CDH11: variants seen among roughly 807,000 people sequenced by gnomAD.
CDH11 encodes cadherin 11.
A neutral mutation model predicts 67.8 loss-of-function variants in CDH11; 11 were observed. The observed-to-expected ratio is 0.16, with a 90% CI of 0.10 to 0.27. The LOEUF is 0.27. CDH11 is among the 10% of genes least tolerant of loss of function. The pLI, the probability that CDH11 is intolerant of heterozygous loss-of-function variation, is 1.00. For synonymous variants in CDH11, 419 were observed against 400.0 expected, an observed-to-expected ratio of 1.05 and a Z score of -0.57; for missense variants, 847 against 1,031.2, an observed-to-expected ratio of 0.82 and a Z score of 2.45.
At chr16:64,993,792 C>G (rs962462918) in intron 4 of CDH11, among the ~76,000 whole-genome samples, 3 of 152,074 alleles carry the variant, frequency 2.0e-5, no homozygotes, top group Admixed American at 2.0e-4. Context: ...TGGGGCATGG[C>G]ATGTTGGGCT....
rs190522611 is a variant in CDH11, at chr16:65,113,542, G to C, written c.-298+8338C>G. ...AATGGAGTCCTCAGCCCTCCTTAGA[G>C]AAAGTAGTGGTTCGAAGTGGTTAGA... On this transcript the variant is annotated intron_variant, in intron 1 of 12. Coordinates refer to ENST00000268603, the MANE Select transcript of CDH11 (RefSeq NM_001797.4). 6.6e-5 allele frequency among the ~76,000 whole-genome samples: 10 copies of C among 152,298 alleles called. No homozygotes were observed. In the East Asian group the frequency reaches 1.9e-3, roughly 29 times the overall value.
At chr16:65,045,362 T>A (rs892193014) in intron 2 of CDH11, among the ~76,000 whole-genome samples, 1 of 113,036 alleles carries the variant, frequency 8.8e-6, no homozygotes, top group African/African-American at 3.3e-5. Flanking sequence ...TATATATATA[T>A]ATATATATAT....
chr16:65,021,569 C>CACACACATATAT (rs4048808), intron 2 of CDH11, among the ~76,000 whole-genome samples: 4 of 139,002 alleles, frequency 2.9e-5, no homozygotes, highest in South Asian at 2.3e-4. Flanking sequence ...CACACACACA[C>CACACACATATAT]ATATATATAT....
chr16:65,101,505 A>G (rs1303643053), intron 1 of CDH11, among the ~76,000 whole-genome samples: 1 of 151,982 alleles, frequency 6.6e-6, no homozygotes, highest in African/African-American at 2.4e-5. Flanking sequence ...ATCTCCATTT[A>G]TTCATTCTTT....
chr16:65,079,879 T>C (rs1597168403), intron 1 of CDH11, among the ~76,000 whole-genome samples: 1 of 152,334 alleles, frequency 6.6e-6, no homozygotes, highest in South Asian at 2.1e-4. Context: ...AACTGATCCA[T>C]CTCCTGGAAA....
chr16:65,111,939 G>A (rs548299453), intron 1 of CDH11, among the ~76,000 whole-genome samples: 11 of 151,628 alleles, frequency 7.3e-5, no homozygotes, highest in South Asian at 2.1e-4. Context: ...GTGTGGTGGC[G>A]CACTCCTGTA....
intron 11 of CDH11, among the ~76,000 whole-genome samples, chr16:64,966,007 A>C (rs1368484680): frequency 6.6e-6 from 1 of 152,080 alleles, no homozygotes; most frequent in Admixed American, 6.6e-5. Flanking sequence ...AGTAAAAAGA[A>C]AAAAAAAGAA....
At chr16:64,994,842 G>C (rs2072724852) in intron 4 of CDH11, among the ~76,000 whole-genome samples, 3 of 152,148 alleles carry the variant, frequency 2.0e-5, no homozygotes, top group African/African-American at 7.2e-5. Flanking sequence ...TCTTAGAACT[G>C]ATCAACAACT....
chr16:65,026,298 T>A (rs1369876845), intron 2 of CDH11, among the ~76,000 whole-genome samples: 2 of 152,184 alleles, frequency 1.3e-5, no homozygotes, highest in Non-Finnish European at 2.9e-5. Flanking sequence ...TTGCCTCCAC[T>A]GCCCAGATAA....
At chr16:65,016,160 A>G (rs1203536344) in intron 2 of CDH11, among the ~76,000 whole-genome samples, 1 of 152,190 alleles carries the variant, frequency 6.6e-6, no homozygotes, top group Non-Finnish European at 1.5e-5. Flanking sequence ...GCTTTTTCGT[A>G]TATCTATATA....
intron 11 of CDH11, among the ~76,000 whole-genome samples, chr16:64,971,312 T>A (rs1771231750): frequency 1.3e-5 from 2 of 152,208 alleles, no homozygotes; most frequent in Admixed American, 1.3e-4. Flanking sequence ...TGGAGTTGTT[T>A]GCATATTGAC....
intron 1 of CDH11, among the ~76,000 whole-genome samples, chr16:65,056,193 A>G (rs1413266419): frequency 1.3e-5 from 2 of 152,202 alleles, no homozygotes; most frequent in African/African-American, 4.8e-5. Context: ...TGCCATGTCA[A>G]AAGTTCAAAT....
chr16:65,007,209 C>T (rs1345224730), intron 2 of CDH11: 1 of 152,144 alleles, frequency 6.6e-6, no homozygotes, highest in African/African-American at 2.4e-5. Flanking sequence ...TTTCTGTTTC[C>T]TTTGTAATCT....
chr16:65,120,085 T>C (rs2075299715), intron 1 of CDH11, among the ~76,000 whole-genome samples: 1 of 152,122 alleles, frequency 6.6e-6, no homozygotes, highest in African/African-American at 2.4e-5. Context: ...CTTTGTCCTA[T>C]TGGAAGAAGA....
At chr16:65,012,705 T>C (rs2073207635) in intron 2 of CDH11, among the ~76,000 whole-genome samples, 1 of 152,232 alleles carries the variant, frequency 6.6e-6, no homozygotes, top group Admixed American at 6.5e-5. Context: ...TCACTTGCAA[T>C]GCTCTTGAAT....
intron 2 of CDH11, among the ~76,000 whole-genome samples, chr16:65,031,201 T>C (rs867913177): frequency 2.0e-5 from 3 of 152,200 alleles, no homozygotes; most frequent in Non-Finnish European, 4.4e-5. Flanking sequence ...ATTGTTCACA[T>C]GTACCAAAAA....
chr16:65,021,241 A>G (rs257337), intron 2 of CDH11, among the ~76,000 whole-genome samples: 1 of 152,188 alleles, frequency 6.6e-6, no homozygotes, highest in South Asian at 2.1e-4. Flanking sequence ...CTGCAAAAGT[A>G]AAAAACACCA....
intron 1 of CDH11, among the ~76,000 whole-genome samples, chr16:65,096,550 T>C (rs915637723): frequency 1.3e-5 from 2 of 151,008 alleles, no homozygotes; most frequent in Non-Finnish European, 2.9e-5. Flanking sequence ...CACAAACACA[T>C]GCCAAATATA....
intron 1 of CDH11, among the ~76,000 whole-genome samples, chr16:65,081,049 T>G (rs758073150): frequency 6.6e-6 from 1 of 152,208 alleles, no homozygotes; most frequent in Non-Finnish European, 1.5e-5. Context: ...CTTTCATATA[T>G]CAAAATTCAC....
Sources: gnomAD v4.1 joint callset for allele counts (sites outside exome capture counted in the v4.1 genomes callset) on GRCh38, gnomAD v4.1.1 for gene constraint, MANE v1.5 for transcripts, NCBI Gene and HGNC (gene_info 2026-07-23, HGNC 2026-07-21) for gene names.